The following ALG12 variants were observed in gnomAD, a reference collection of about 807,000 sequenced individuals.
The protein encoded by ALG12 is dol-P-Man:Man(7)GlcNAc(2)-PP-Dol alpha-1,6-mannosyltransferase.
A neutral mutation model predicts 46.0 loss-of-function variants in ALG12; 36 were observed. The ratio of observed to expected loss-of-function variants is 0.78; its 90% CI spans 0.60 to 1.03. The LOEUF is 1.03. ALG12 is among the 50% of genes least tolerant of loss of function. The pLI, the probability that ALG12 is intolerant of heterozygous loss-of-function variation, is 0.00. For missense variants in ALG12, 599 were observed against 633.5 expected (o/e 0.95, Z 0.58); for synonymous variants, 326 against 291.6 (o/e 1.12, Z -1.20).
the ALG12 span, among the ~76,000 whole-genome samples, chr22:49,866,638 T>C: frequency 6.8e-3 from 1,033 of 152,328 alleles, 8 homozygotes; most frequent in African/African-American, 0.023. Context: ...TCATTTAATC[T>C]GAGGTCACAT....
At chr22:49,888,518 G>A in the ALG12 span, 1 of 167,264 alleles carries the variant, frequency 6.0e-6, no homozygotes, top group Non-Finnish European at 1.5e-5. Context: ...ATTATCTAGA[G>A]CCCATACTTG....
At chr22:49,896,740 ATCC>A (rs1404539550), downstream of ALG12, among the ~76,000 whole-genome samples, 2 of 152,124 alleles carry the variant, frequency 1.3e-5, no homozygotes, top group Admixed American at 6.5e-5. Flanking sequence ...GGTTCAAGCA[ATCC>A]TCCTGCTTCA....
At chr22:49,873,402 A>G in the ALG12 span, among the ~76,000 whole-genome samples, 1 of 152,176 alleles carries the variant, frequency 6.6e-6, no homozygotes, top group Non-Finnish European at 1.5e-5. Flanking sequence ...CAGGACACAC[A>G]TTTATCAGTT....
rs1189641771 is a variant in ALG12, at chr22:49,902,989, G to T, written c.*849C>A. On this transcript the variant is annotated 3_prime_UTR_variant, in exon 10 of 10. Transcript: ENST00000330817. ...GTGTGCACTGTGTGCATGCGTGTGT[G>T]GTGTGTGTGCATGTATGCATGGTGT... 1.5e-5 allele frequency: 5 copies of T among 331,498 alleles called. No individual in the cohort carries two copies. Among genetic ancestry groups the T allele is most frequent in the Non-Finnish European group, 2.9e-5 (5 of 171,624 alleles). The allele number at this position is 331,498 out of a possible 1,614,324, so 20.5% of individuals were successfully genotyped here.
Position 49,903,036 on chromosome 22 carries a change from C to A in ALG12, c.*802G>T. The A allele has an allele frequency of 2.9e-6, 1 of 348,228 alleles. No individual in the cohort carries two copies. The highest frequency in any genetic ancestry group is 8.0e-5 in the East Asian group (1 of 12,534). The allele number at this position is 348,228 out of a possible 1,614,324, so 21.6% of individuals were successfully genotyped here. ...GTGTGTGCATACGTGTGCAGCAGCACCTGGTCCCATCTCCAGTGCCCAGCA... is the reference window on the plus strand; with the variant it reads ...GTGTGTGCATACGTGTGCAGCAGCAACTGGTCCCATCTCCAGTGCCCAGCA... On this transcript the variant is annotated 3_prime_UTR_variant, in exon 10 of 10. Transcript: ENST00000330817.
rs1406578465 is a variant in ALG12, at chr22:49,901,740, C to T, written c.*2098G>A. 4.5e-5 allele frequency: 5 copies of T among 112,052 alleles called. No homozygotes were observed. The highest frequency in any genetic ancestry group is 1.8e-4 in the African/African-American group (4 of 22,362). 6.9% of individuals were successfully genotyped at this position (112,052 alleles called of 1,614,324 possible). ...GGTGTGTATGCATGGTGTGCACGTG[C>T]ATTGTGCATGCGTGGTGTATGCATG... On this transcript the variant is annotated 3_prime_UTR_variant, in exon 10 of 10. Transcript: ENST00000330817.
chr22:49,875,418 C>CT, the ALG12 span, among the ~76,000 whole-genome samples: 468 of 145,154 alleles, frequency 3.2e-3, 3 homozygotes, highest in East Asian at 0.017. Flanking sequence ...AATTTATTTT[C>CT]TTTTTTTTTT....
the ALG12 span, among the ~76,000 whole-genome samples, chr22:49,890,558 G>A: frequency 6.6e-6 from 1 of 152,274 alleles, no homozygotes; most frequent in East Asian, 1.9e-4. Context: ...GGACTGTAAG[G>A]TGGATGCCTA....
At chr22:49,861,398 T>A in the ALG12 span, among the ~76,000 whole-genome samples, 25 of 152,290 alleles carry the variant, frequency 1.6e-4, no homozygotes, top group African/African-American at 5.3e-4. Flanking sequence ...TGCCTCAGTC[T>A]CTCAAAGTGG....
the ALG12 span, among the ~76,000 whole-genome samples, chr22:49,878,701 T>C: frequency 1.3e-5 from 2 of 152,184 alleles, no homozygotes; most frequent in Non-Finnish European, 2.9e-5. Flanking sequence ...ATGAGTGAAG[T>C]GGACTTCATC....
At chr22:49,887,171 A>G in the ALG12 span, 1 of 1,609,138 alleles carries the variant, frequency 6.2e-7, no homozygotes, top group Middle Eastern at 1.7e-4. Context: ...ATATACTTTC[A>G]GTATTGAAAC....
intron 1 of ALG12, among the ~76,000 whole-genome samples, chr22:49,916,417 C>T (rs1431959967): frequency 6.6e-6 from 1 of 152,048 alleles, no homozygotes; most frequent in Non-Finnish European, 1.5e-5. Flanking sequence ...CTCATCTCTA[C>T]TAAAAATACA....
chr22:49,884,200 T>C, the ALG12 span: 1 of 1,607,258 alleles, frequency 6.2e-7, no homozygotes, highest in Non-Finnish European at 8.5e-7. Flanking sequence ...GTCTGCCGTG[T>C]CCTCGTTCCC....
the ALG12 span, among the ~76,000 whole-genome samples, chr22:49,861,873 G>C: frequency 3.3e-5 from 5 of 152,184 alleles, no homozygotes; most frequent in African/African-American, 1.2e-4. Context: ...GGTGAGGACT[G>C]TCTTCAGGTC....
At chr22:49,898,292 G>C (rs1272841162), downstream of ALG12, among the ~76,000 whole-genome samples, 1 of 152,126 alleles carries the variant, frequency 6.6e-6, no homozygotes, top group Admixed American at 6.5e-5. Flanking sequence ...GCAGGCGTGA[G>C]CCACCACACC....
At chr22:49,887,001 G>T in the ALG12 span, 571 of 1,614,090 alleles carry the variant, frequency 3.5e-4, 4 homozygotes, top group East Asian at 0.011. Flanking sequence ...CCTGGCCGGG[G>T]CTGTCCGCGC....
At chr22:49,886,663 C>T in the ALG12 span, 7 of 1,608,608 alleles carry the variant, frequency 4.4e-6, no homozygotes, top group Admixed American at 1.7e-5. This position sits in a 1 kb window ranked among gnomAD's most constrained non-coding sequence, Gnocchi z 7.7. Context: ...CCACGACCCG[C>T]GGTACGTCTT....
chr22:49,864,928 T>G, the ALG12 span, among the ~76,000 whole-genome samples: 1 of 75,580 alleles, frequency 1.3e-5, no homozygotes, highest in Non-Finnish European at 2.2e-5. Context: ...TGGGGTTCTA[T>G]CCCAGCAAGC....
intron 3 of ALG12, among the ~76,000 whole-genome samples, chr22:49,912,057 GCGGGATCAGCCTGGCCC>G (rs1299131014): frequency 0.014 from 1,872 of 130,814 alleles, 3 homozygotes; most frequent in African/African-American, 0.038. Context: ...AGCCTCGGCC[GCGGGATCAGCCTGGCCC>G]CGGGATCACC....
Sources: gnomAD v4.1 joint callset for allele counts (sites outside exome capture counted in the v4.1 genomes callset) on GRCh38, gnomAD v4.1.1 for gene constraint, Gnocchi (gnomAD v3.1) non-coding constraint, MANE v1.5 for transcripts, NCBI Gene and HGNC (gene_info 2026-07-23, HGNC 2026-07-21) for gene names.